NRK: variants seen among roughly 807,000 people sequenced by gnomAD.
NRK encodes the protein Nik related kinase.
NRK carries 67 observed loss-of-function variants against 125.2 expected under a neutral mutation model. The observed-to-expected ratio is 0.54, with a 90% CI of 0.44 to 0.66. The LOEUF (loss-of-function observed/expected upper bound fraction) is 0.66. NRK is among the 30% of genes least tolerant of loss of function. The pLI is 0.00. For missense variants in NRK, 1,224 were observed against 1,192.9 expected, an observed-to-expected ratio of 1.03 and a Z score of -0.38; for synonymous variants, 458 against 429.0, an observed-to-expected ratio of 1.07 and a Z score of -0.84.
At chrX:105,844,015 G>C (rs103026) in intron 2 of NRK, among the ~76,000 whole-genome samples, 7,711 of 77,202 alleles carry the variant, frequency 0.1, 259 homozygotes, top group African/African-American at 0.18. Flanking sequence ...GTGTGTGTGT[G>C]TGTCTGTGTG....
At chrX:105,940,976 G>A (rs1339175765) in intron 23 of NRK, among the ~76,000 whole-genome samples, 2 of 111,822 alleles carry the variant, frequency 1.8e-5, no homozygotes, top group Non-Finnish European at 3.8e-5. Context: ...AGAGGGAAAT[G>A]AGTACCCAGA....
At chrX:105,882,504 C>T (rs1367686805) in intron 4 of NRK, among the ~76,000 whole-genome samples, 2 of 110,501 alleles carry the variant, frequency 1.8e-5, no homozygotes, top group Admixed American at 1.9e-4. Flanking sequence ...TTGTATGGGC[C>T]CAAAAGTTGA....
chrX:105,919,278 C>T (rs893150844), intron 16 of NRK, among the ~76,000 whole-genome samples: 1 of 110,498 alleles, frequency 9.0e-6, no homozygotes, highest in Admixed American at 9.6e-5. Flanking sequence ...TCACCCAGAC[C>T]TGAATTTTGA....
At chrX:105,874,874 CAACACATTA>C (rs2039793627) in intron 2 of NRK, among the ~76,000 whole-genome samples, 1 of 111,501 alleles carries the variant, frequency 9.0e-6, no homozygotes, top group Non-Finnish European at 1.9e-5. Flanking sequence ...AAACTGAAAT[CAACACATTA>C]AGGGATATGT....
chrX:105,915,845 G>T (rs373977418), intron 15 of NRK, 48 bp downstream of exon 15: 2 of 696,217 alleles, frequency 2.9e-6, no homozygotes, highest in Admixed American at 2.6e-5. Context: ...ATTATCAAAT[G>T]GAAAATTAAA....
intron 7 of NRK, among the ~76,000 whole-genome samples, chrX:105,896,344 A>G (rs968175290): frequency 4.5e-5 from 5 of 111,878 alleles, no homozygotes; most frequent in Admixed American, 9.5e-5. Context: ...ACCTTAAGAT[A>G]TTTCCCATTT....
Position 105,939,979 on chromosome X carries a change from A to T in NRK, c.3905A>T (p.Glu1302Val), listed in dbSNP as rs2040716980. The change falls in exon 23 of 29, where the codon GAG becomes GTG. Residue 1302 changes from glutamate (E) to valine (V), a missense_variant. Glu to Val is a moderately radical substitution (Grantham distance 121). Transcript: ENST00000243300. ...KRRQEEMLKT[E>V]EACKAIDKLT... ...AGGCAAGAAGAAATGCTGAAGACAG[A>T]GGAAGCCTGCAAAGCTATTGATAAG... 8.4e-7 allele frequency: 1 copy of T among 1,189,853 alleles called. No homozygotes were observed. Among genetic ancestry groups the T allele is most frequent in the Non-Finnish European group, 1.1e-6 (1 of 881,753 alleles).
At chrX:105,940,864 G>A (rs1207664564) in intron 23 of NRK, among the ~76,000 whole-genome samples, 1 of 111,778 alleles carries the variant, frequency 8.9e-6, no homozygotes, top group African/African-American at 3.3e-5. Flanking sequence ...AAATTGCAAT[G>A]GGATATTTCT....
chrX:105,941,658 T>C (rs181745020), intron 23 of NRK, among the ~76,000 whole-genome samples: 93 of 109,851 alleles, frequency 8.5e-4, no homozygotes, highest in Non-Finnish European at 1.6e-3. Context: ...TATAAATCTA[T>C]CGGGTAAGAC....
chrX:105,860,280 G>C, intron 2 of NRK, among the ~76,000 whole-genome samples: 1 of 110,935 alleles, frequency 9.0e-6, no homozygotes, highest in East Asian at 2.8e-4. Context: ...GCATTAATTT[G>C]TACCTTTAAT....
intron 8 of NRK, 120 bp downstream of exon 8, chrX:105,898,834 C>G (rs2040119734): frequency 3.8e-6 from 2 of 521,126 alleles, no homozygotes; most frequent in Non-Finnish European, 5.8e-6. Flanking sequence ...ACATTAAATG[C>G]TAGTAGGAAA....
At chrX:105,919,456 T>C (rs1336859246) in intron 16 of NRK, among the ~76,000 whole-genome samples, 2 of 111,727 alleles carry the variant, frequency 1.8e-5, no homozygotes, top group Admixed American at 9.5e-5. Flanking sequence ...CATGTAGCTA[T>C]TAAAATAAAA....
At position 105,836,250 on chromosome X, in the gene NRK, A is replaced by C. The variant is rs752415144; in HGVS notation, c.123+5131A>C. 2.7e-5 allele frequency among the ~76,000 whole-genome samples: 3 copies of C among 111,831 alleles called. No individual in the cohort carries two copies. In the East Asian group the frequency reaches 8.5e-4, roughly 32 times the overall value. Reference sequence around the variant, plus strand: ...CTTTCACATCCTCATCAAAAGCAAAAAGTCCATGTTAATTCCTTTTAACTG... The same window carrying C: ...CTTTCACATCCTCATCAAAAGCAAACAGTCCATGTTAATTCCTTTTAACTG... On this transcript the variant is annotated intron_variant, in intron 2 of 28. Transcript: ENST00000243300.
chrX:105,939,154 A>G (rs2040704030), intron 22 of NRK, among the ~76,000 whole-genome samples: 1 of 111,830 alleles, frequency 8.9e-6, no homozygotes, highest in African/African-American at 3.2e-5. Context: ...GTGTAAAAAC[A>G]TATGAAAGAC....
chrX:105,941,554 A>AG (rs1491268836), intron 23 of NRK, among the ~76,000 whole-genome samples: 1,360 of 90,278 alleles, frequency 0.015, 27 homozygotes, highest in African/African-American at 0.055. Flanking sequence ...AGAGAGACAG[A>AG]AAGAGAGAGA....
chrX:105,929,139 A>G (rs1202319446), intron 19 of NRK, among the ~76,000 whole-genome samples: 1 of 111,606 alleles, frequency 9.0e-6, no homozygotes, highest in Non-Finnish European at 1.9e-5. Context: ...ATGCAATAAT[A>G]TTTGCTTTTT....
At chrX:105,942,316 T>C (rs959430203) in intron 23 of NRK, among the ~76,000 whole-genome samples, 2 of 111,911 alleles carry the variant, frequency 1.8e-5, no homozygotes, top group African/African-American at 6.5e-5. Flanking sequence ...TACACTGTTT[T>C]TCAAAGTGGT....
At chrX:105,828,145 G>C (rs1043480972) in intron 1 of NRK, among the ~76,000 whole-genome samples, 4 of 112,104 alleles carry the variant, frequency 3.6e-5, no homozygotes, top group East Asian at 2.8e-4. Flanking sequence ...GTTTAGTCTT[G>C]AAAGAGAGTA....
rs749967879 is a variant in NRK at position 105,932,726 on chromosome X, C to T, written c.3313-1532C>T. 8.1e-5 allele frequency among the ~76,000 whole-genome samples: 9 copies of T among 111,109 alleles called. 1 individual carries two copies. The South Asian group carries it at 3.4e-3, about 43-fold the overall frequency. ...CCATGCTCTTTCATGAATCAGCGCT[C>T]CTGTGCAAGCTGTTTCCTCTGGAAG... On this transcript the variant is annotated intron_variant, in intron 19 of 28. Transcript: ENST00000243300.
Sources: gnomAD v4.1 joint callset for allele counts (sites outside exome capture counted in the v4.1 genomes callset) on GRCh38, gnomAD v4.1.1 for gene constraint, MANE v1.5 for transcripts, NCBI Gene and HGNC (gene_info 2026-07-23, HGNC 2026-07-21) for gene names.